Variants in DSCAM observed in about 807,000 individuals in gnomAD.
The protein encoded by DSCAM is DS cell adhesion molecule.
A neutral mutation model predicts 217.7 loss-of-function variants in DSCAM; 47 were observed. The ratio of observed to expected loss-of-function variants is 0.22; its 90% CI spans 0.17 to 0.28. DSCAM has a LOEUF of 0.28. Ranked by LOEUF, DSCAM falls within the 10% of genes least tolerant of loss-of-function variation. DSCAM has a pLI of 1.00. For synonymous variants in DSCAM, 1,056 were observed against 1,015.3 expected (o/e 1.04, Z -0.76); for missense variants, 2,080 against 2,618.3 (o/e 0.79, Z 4.49).
intron 3 of DSCAM, among the ~76,000 whole-genome samples, chr21:40,418,440 C>T (rs1375680305): frequency 1.3e-5 from 2 of 152,090 alleles, no homozygotes; most frequent in Non-Finnish European, 2.9e-5. Flanking sequence ...TCATATAGTT[C>T]TGCAGCTGGG....
At chr21:40,524,840 C>G (rs548534733) in intron 3 of DSCAM, among the ~76,000 whole-genome samples, 1 of 151,828 alleles carries the variant, frequency 6.6e-6, no homozygotes, top group African/African-American at 2.4e-5. Context: ...GAAACCCTGT[C>G]TCTACTAAAA....
At chr21:40,491,301 A>G (rs987456298) in intron 3 of DSCAM, among the ~76,000 whole-genome samples, 5 of 152,132 alleles carry the variant, frequency 3.3e-5, no homozygotes, top group African/African-American at 1.2e-4. Context: ...CACATTGTCA[A>G]CAAATCCTAC....
At chr21:40,222,139 G>A (rs385045) in intron 11 of DSCAM, among the ~76,000 whole-genome samples, 48,390 of 152,036 alleles carry the variant, frequency 0.32, 8,774 homozygotes, top group Non-Finnish European at 0.4. Flanking sequence ...GTCTTAATTC[G>A]ATTTTAGAAA....
chr21:40,252,252 C>T (rs1407258407), intron 11 of DSCAM, among the ~76,000 whole-genome samples: 1 of 152,136 alleles, frequency 6.6e-6, no homozygotes, highest in East Asian at 1.9e-4. Flanking sequence ...AAAATCAGAC[C>T]TTTATGCCAT....
chr21:40,573,242 G>A (rs1320951688), intron 3 of DSCAM, among the ~76,000 whole-genome samples: 1 of 152,120 alleles, frequency 6.6e-6, no homozygotes, highest in Non-Finnish European at 1.5e-5. Context: ...GGAGGCTGAG[G>A]CAGGAGAATG....
chr21:40,368,830 A>G (rs898112097), intron 4 of DSCAM, among the ~76,000 whole-genome samples: 1 of 152,232 alleles, frequency 6.6e-6, no homozygotes, highest in Non-Finnish European at 1.5e-5. Context: ...TGGGATGGAG[A>G]TGGATCTTTC....
intron 1 of DSCAM, among the ~76,000 whole-genome samples, chr21:40,845,234 G>T (rs978261444): frequency 1.3e-5 from 2 of 152,198 alleles, no homozygotes; most frequent in African/African-American, 2.4e-5. Context: ...CTTTGCTTTA[G>T]GTTATACTGG....
intron 3 of DSCAM, among the ~76,000 whole-genome samples, chr21:40,633,925 T>A (rs1030133642): frequency 6.6e-6 from 1 of 152,088 alleles, no homozygotes; most frequent in African/African-American, 2.4e-5. Context: ...GCCCCAGAGA[T>A]CCCATGTTGT....
intron 8 of DSCAM, among the ~76,000 whole-genome samples, chr21:40,325,330 T>C (rs1407647729): frequency 2.0e-5 from 3 of 152,140 alleles, no homozygotes; most frequent in Non-Finnish European, 2.9e-5. Flanking sequence ...TCGATATAGA[T>C]AGAAAATATA....
chr21:40,101,747 T>G (rs2146610996), intron 20 of DSCAM, among the ~76,000 whole-genome samples: 1 of 152,058 alleles, frequency 6.6e-6, no homozygotes, highest in Admixed American at 6.5e-5. Flanking sequence ...AATACTATTC[T>G]TACAGTGGGC....
intron 11 of DSCAM, among the ~76,000 whole-genome samples, chr21:40,199,305 C>T (rs1339910209): frequency 1.3e-5 from 2 of 152,304 alleles, no homozygotes; most frequent in East Asian, 3.9e-4. Context: ...CTTCCAGCTT[C>T]ATCCCCTGGA....
intron 3 of DSCAM, among the ~76,000 whole-genome samples, chr21:40,563,736 T>G (rs888773885): frequency 1.1e-4 from 16 of 146,762 alleles, no homozygotes; most frequent in Non-Finnish European, 1.9e-4. Context: ...GTTTATATGT[T>G]TATATATAGT....
At chr21:40,017,708 C>G (rs368834916) in intron 32 of DSCAM, among the ~76,000 whole-genome samples, 10 of 152,088 alleles carry the variant, frequency 6.6e-5, no homozygotes, top group African/African-American at 9.7e-5. Context: ...TGCACCACCA[C>G]GCCTGGCTAA....
intron 11 of DSCAM, among the ~76,000 whole-genome samples, chr21:40,254,455 G>A (rs1048553343): frequency 1.3e-5 from 2 of 152,130 alleles, no homozygotes; most frequent in Non-Finnish European, 2.9e-5. Flanking sequence ...ATTTTCTGAC[G>A]CATACAAAAT....
intron 11 of DSCAM, among the ~76,000 whole-genome samples, chr21:40,201,202 A>C (rs2091066042): frequency 1.3e-5 from 2 of 152,324 alleles, no homozygotes; most frequent in South Asian, 4.1e-4. Flanking sequence ...TGAATGTGTC[A>C]GGGGAAAGAC....
intron 10 of DSCAM, among the ~76,000 whole-genome samples, chr21:40,282,697 T>A (rs1167965362): frequency 6.6e-6 from 1 of 151,562 alleles, no homozygotes; most frequent in African/African-American, 2.4e-5. Context: ...GCTGGTGTGG[T>A]TTGAAAAATT....
chr21:40,756,644 G>A (rs952747656), intron 1 of DSCAM, among the ~76,000 whole-genome samples: 12 of 151,936 alleles, frequency 7.9e-5, no homozygotes, highest in Admixed American at 2.0e-4. Flanking sequence ...CACCCATCTC[G>A]GCCTCCCAAA....
chr21:40,027,253 G>A (rs1370060921), intron 32 of DSCAM, among the ~76,000 whole-genome samples: 9 of 152,418 alleles, frequency 5.9e-5, no homozygotes, highest in Non-Finnish European at 1.3e-4. Flanking sequence ...TCCACTGTTA[G>A]TCTGATGGGC....
At chr21:40,370,256 A>G (rs968294460) in intron 3 of DSCAM, among the ~76,000 whole-genome samples, 1 of 114,136 alleles carries the variant, frequency 8.8e-6, no homozygotes, top group Admixed American at 1.2e-4. Flanking sequence ...CTTTTACTTT[A>G]AAAAAAAAAA....
Sources: allele counts gnomAD v4.1 joint callset (sites outside exome capture counted in the v4.1 genomes callset), GRCh38; gene constraint gnomAD v4.1.1; transcripts MANE v1.5; gene names NCBI Gene and HGNC (gene_info 2026-07-23, HGNC 2026-07-21).